Variants in ADGB observed in about 807,000 individuals in gnomAD.
ADGB encodes calpain-7-like protein.
A neutral mutation model predicts 210.5 loss-of-function variants in ADGB; 172 were observed. The ratio of observed to expected loss-of-function variants is 0.82; its 90% CI spans 0.72 to 0.93. The LOEUF (loss-of-function observed/expected upper bound fraction) is 0.93. ADGB is among the 40% of genes least tolerant of loss of function. The pLI is 0.00. For synonymous variants in ADGB, 658 were observed against 662.7 expected (o/e 0.99, Z 0.11); for missense variants, 2,025 against 1,964.8 (o/e 1.03, Z -0.58).
chr6:146,636,476 C>T (rs565816176), intron 2 of ADGB, among the ~76,000 whole-genome samples: 9 of 151,938 alleles, frequency 5.9e-5, no homozygotes, highest in Non-Finnish European at 8.8e-5. Flanking sequence ...TTCTTTGTAC[C>T]ACATCTAAAA....
intron 33 of ADGB, among the ~76,000 whole-genome samples, chr6:146,798,821 A>G (rs1465145068): frequency 1.3e-5 from 2 of 152,092 alleles, no homozygotes; most frequent in South Asian, 4.1e-4. Flanking sequence ...AATAATAAAT[A>G]CACGGAAATA....
chr6:146,671,767 C>T (rs1452303882), intron 7 of ADGB, among the ~76,000 whole-genome samples: 4 of 152,060 alleles, frequency 2.6e-5, no homozygotes, highest in Non-Finnish European at 2.9e-5. Context: ...AGAAAGAAAA[C>T]CAGGAAAGAG....
At position 146,788,500 on chromosome 6, in the gene ADGB, A is replaced by G. The variant is rs1777912315; in HGVS notation, c.4427A>G (p.Gln1476Arg). 4.5e-6 allele frequency: 7 copies of G among 1,551,498 alleles called. No individual in the cohort carries two copies. The Admixed American group carries it at 1.2e-4, about 26-fold the overall frequency. Residue 1476 changes from glutamine to arginine, a missense_variant, in exon 33 of 36, where the codon CAA becomes CGA. Transcript: ENST00000397944. ...GSGSAVWKKW[Q>R]LTKGLRDVAK... Reference sequence around the variant, plus strand: ...GGGAGTGCGGTGTGGAAGAAGTGGCAATTGACCAAAGGCTTGAGGGATGTG... The same window carrying G: ...GGGAGTGCGGTGTGGAAGAAGTGGCGATTGACCAAAGGCTTGAGGGATGTG...
intron 12 of ADGB, among the ~76,000 whole-genome samples, chr6:146,697,301 T>C (rs1246170977): frequency 6.6e-6 from 1 of 152,164 alleles, no homozygotes; most frequent in African/African-American, 2.4e-5. Flanking sequence ...GCCGTTAAAA[T>C]TGTGGTAATT....
intron 3 of ADGB, among the ~76,000 whole-genome samples, chr6:146,648,639 C>A (rs1775655478): frequency 6.6e-6 from 1 of 151,964 alleles, no homozygotes; most frequent in Admixed American, 6.6e-5. Context: ...GAAATCTGCC[C>A]CCATGATCCA....
chr6:146,788,628 T>A lies in ADGB; in HGVS notation c.4537+18T>A. On this transcript the variant is annotated intron_variant, in intron 33 of 35. Coordinates refer to ENST00000397944, the MANE Select transcript of ADGB (RefSeq NM_024694.4). ...AAACATTCGTAAGTATTGCTGTCAT[T>A]GGTAACATAAACATGTATTTTCAAA... is the stretch of plus-strand genomic sequence containing the variant. 1 of 1,542,566 alleles carries A rather than the reference T, an allele frequency of 6.5e-7. No individual in the cohort carries two copies.
At chr6:146,657,131 C>G (rs1040052295) in intron 5 of ADGB, among the ~76,000 whole-genome samples, 151 bp downstream of exon 5, 3 of 152,068 alleles carry the variant, frequency 2.0e-5, no homozygotes. Flanking sequence ...TCGCAACCAG[C>G]CTGGGCAACA....
chr6:146,669,634 T>A (rs1319247274), intron 7 of ADGB, among the ~76,000 whole-genome samples: 1 of 152,122 alleles, frequency 6.6e-6, no homozygotes, highest in African/African-American at 2.4e-5. Context: ...TTTCTCCTTC[T>A]TATTTTCTGC....
At chr6:146,706,096 A>T (rs1214359594) in intron 13 of ADGB, among the ~76,000 whole-genome samples, 4 of 43,072 alleles carry the variant, frequency 9.3e-5, no homozygotes, top group East Asian at 1.8e-3. Flanking sequence ...GGTTAATTTA[A>T]AAAAAAAAAA....
intron 1 of ADGB, among the ~76,000 whole-genome samples, chr6:146,616,281 T>G (rs76651293): frequency 7.0e-6 from 1 of 142,264 alleles, no homozygotes; most frequent in Non-Finnish European, 1.6e-5. Context: ...TTTTTTTTTT[T>G]GCTATTGAGT....
At chr6:146,723,598 G>T (rs1036614824) in intron 17 of ADGB, among the ~76,000 whole-genome samples, 2 of 152,104 alleles carry the variant, frequency 1.3e-5, no homozygotes, top group African/African-American at 4.8e-5. Context: ...TTAGCCAGGG[G>T]TGGTGGCAGA....
chr6:146,747,312 A>G (rs978092099), intron 26 of ADGB, among the ~76,000 whole-genome samples: 7 of 152,218 alleles, frequency 4.6e-5, no homozygotes, highest in African/African-American at 1.7e-4. Flanking sequence ...TAAAAATAGC[A>G]ATTGTGATAA....
intron 12 of ADGB, among the ~76,000 whole-genome samples, chr6:146,694,161 C>T (rs972543374): frequency 6.6e-6 from 1 of 152,104 alleles, no homozygotes; most frequent in African/African-American, 2.4e-5. Flanking sequence ...TAGGTAGTTA[C>T]CATAGCAGCA....
At chr6:146,612,643 G>T (rs990404916) in intron 1 of ADGB, among the ~76,000 whole-genome samples, 4 of 152,066 alleles carry the variant, frequency 2.6e-5, no homozygotes, top group African/African-American at 9.7e-5. Context: ...CTTTTCTTTA[G>T]TCAAGGTTTT....
At chr6:146,777,013 G>A (rs1777731415) in intron 29 of ADGB, among the ~76,000 whole-genome samples, 1 of 151,814 alleles carries the variant, frequency 6.6e-6, no homozygotes, top group Admixed American at 6.6e-5. Flanking sequence ...TTGGCAGAAG[G>A]GACAGTTTCC....
intron 18 of ADGB, chr6:146,724,940 G>C (rs1776872924): frequency 6.6e-6 from 1 of 151,982 alleles, no homozygotes; most frequent in Non-Finnish European, 1.5e-5. Flanking sequence ...ATTTTCACTA[G>C]GCTTTGAAAT....
At chr6:146,733,407 G>A (rs536571792) in intron 21 of ADGB, among the ~76,000 whole-genome samples, 152 bp downstream of exon 21, 1 of 152,270 alleles carries the variant, frequency 6.6e-6, no homozygotes, top group East Asian at 1.9e-4. Flanking sequence ...GGGCTCCAAG[G>A]ACCTGCTGGG....
At chr6:146,641,861 G>A (rs1201223637) in intron 2 of ADGB, among the ~76,000 whole-genome samples, 2 of 151,830 alleles carry the variant, frequency 1.3e-5, no homozygotes, top group African/African-American at 2.4e-5. Flanking sequence ...ATTTCATGAC[G>A]AAGCCACCAA....
chr6:146,741,206 G>A lies in ADGB; in HGVS notation c.3112G>A (p.Asp1038Asn). 6.4e-7 allele frequency: 1 copy of A among 1,550,868 alleles called. No individual in the cohort carries two copies. Among genetic ancestry groups the A allele is most frequent in the Non-Finnish European group, 8.7e-7 (1 of 1,146,438 alleles). The change falls in exon 25 of 36, where the codon GAC becomes AAC. Residue 1038 changes from aspartate to asparagine, a missense_variant. Asp to Asn is a conservative substitution (Grantham distance 23, BLOSUM62 1). Coordinates refer to ENST00000397944, the MANE Select transcript of ADGB (RefSeq NM_024694.4). ...PICILHIVNN[D>N]TMEQVPKVFQ... ...CTGTATCCTACACATTGTTAATAAT[G>A]ACACAATGGAGCAAGTGCCAAAGGT...
Sources: allele counts gnomAD v4.1 joint callset (sites outside exome capture counted in the v4.1 genomes callset), GRCh38; gene constraint gnomAD v4.1.1; transcripts MANE v1.5; gene names NCBI Gene and HGNC (gene_info 2026-07-23, HGNC 2026-07-21).